The following EPHA3 variants were observed in gnomAD, a reference collection of about 807,000 sequenced individuals.
EPHA3 encodes EPH receptor A3, also known as ephrin type-A receptor 3.
A neutral mutation model predicts 107.1 loss-of-function variants in EPHA3; 42 were observed. The observed-to-expected ratio is 0.39, with a 90% CI of 0.31 to 0.51. EPHA3 has a LOEUF of 0.51. Among genes scored for constraint, EPHA3 ranks in the 20% least tolerant of loss-of-function variants. The pLI is 0.78. For missense variants in EPHA3, 1,183 were observed against 1,211.2 expected (o/e 0.98, Z 0.35); for synonymous variants, 461 against 424.8 (o/e 1.09, Z -1.05).
intron 5 of EPHA3, among the ~76,000 whole-genome samples, chr3:89,377,507 C>A (rs1226803057): frequency 6.6e-6 from 1 of 152,014 alleles, no homozygotes; most frequent in East Asian, 1.9e-4. Context: ...TAAGGTATAA[C>A]ATAGATTCAT....
chr3:89,187,097 C>A (rs1170286942), intron 2 of EPHA3, among the ~76,000 whole-genome samples: 2 of 151,606 alleles, frequency 1.3e-5, no homozygotes, highest in African/African-American at 4.8e-5. Flanking sequence ...TTTACTCTTT[C>A]AGAGTACTAC....
At chr3:89,199,067 C>T (rs1479535252) in intron 2 of EPHA3, among the ~76,000 whole-genome samples, 3 of 152,144 alleles carry the variant, frequency 2.0e-5, no homozygotes, top group African/African-American at 7.2e-5. Context: ...GTCCTACTCT[C>T]TAATACTTAA....
intron 3 of EPHA3, among the ~76,000 whole-genome samples, chr3:89,334,083 C>T (rs1238476184): frequency 6.6e-6 from 1 of 151,984 alleles, no homozygotes; most frequent in African/African-American, 2.4e-5. Context: ...CACAAACTTC[C>T]AAACATTCTT....
chr3:89,379,977 T>G (rs1708469078), intron 5 of EPHA3, among the ~76,000 whole-genome samples: 2 of 152,206 alleles, frequency 1.3e-5, no homozygotes, highest in South Asian at 4.1e-4. Context: ...GACCTCTCTT[T>G]CTGCTTCAAT....
chr3:89,262,229 A>C (rs1306959595), intron 3 of EPHA3, among the ~76,000 whole-genome samples: 1 of 152,168 alleles, frequency 6.6e-6, no homozygotes, highest in Non-Finnish European at 1.5e-5. Flanking sequence ...TCTCATGAGA[A>C]ACTGTATTAG....
intron 1 of EPHA3, among the ~76,000 whole-genome samples, chr3:89,112,133 A>G (rs1246798068): frequency 6.6e-6 from 1 of 152,072 alleles, no homozygotes; most frequent in African/African-American, 2.4e-5. Context: ...TCATGGTTGT[A>G]TTTTATATAA....
At chr3:89,147,145 T>G (rs1704577569) in intron 2 of EPHA3, among the ~76,000 whole-genome samples, 1 of 151,200 alleles carries the variant, frequency 6.6e-6, no homozygotes, top group African/African-American at 2.4e-5. Flanking sequence ...TGAGAACACA[T>G]GAACACAGGA....
chr3:89,447,123 A>T (rs1323406442), intron 13 of EPHA3, among the ~76,000 whole-genome samples: 1 of 152,118 alleles, frequency 6.6e-6, no homozygotes, highest in African/African-American at 2.4e-5. Context: ...TAAAAACATA[A>T]ACTTGATCTA....
At chr3:89,321,729 A>G (rs1707047324) in intron 3 of EPHA3, among the ~76,000 whole-genome samples, 1 of 152,148 alleles carries the variant, frequency 6.6e-6, no homozygotes, top group Non-Finnish European at 1.5e-5. Flanking sequence ...ATCCTAAAAT[A>G]TGAATTTAAT....
In EPHA3 at chr3:89,408,129, A is replaced by G; in HGVS notation, c.1760A>G (p.His587Arg). Reference protein sequence around the residue: ...DEKRLHFGNGHLKLPGLRTYV... With the variant: ...DEKRLHFGNGRLKLPGLRTYV... ...AAAAGACTTCATTTTGGCAATGGGCATTGTAAGTTTCTAAACTTGGCTTTT... is the reference window on the plus strand; with the variant it reads ...AAAAGACTTCATTTTGGCAATGGGCGTTGTAAGTTTCTAAACTTGGCTTTT... Residue 587 changes from histidine (H) to arginine (R), a missense_variant and splice_region_variant, in exon 9 of 17, where the codon CAT becomes CGT. Coordinates refer to ENST00000336596, the MANE Select transcript of EPHA3 (RefSeq NM_005233.6). The G allele has an allele frequency of 6.2e-7, 1 of 1,612,656 alleles. No individual in the cohort carries two copies. The highest frequency in any genetic ancestry group is 8.5e-7 in the Non-Finnish European group (1 of 1,178,946).
intron 2 of EPHA3, among the ~76,000 whole-genome samples, chr3:89,179,739 C>T (rs1375902184): frequency 1.3e-5 from 2 of 151,132 alleles, no homozygotes; most frequent in Admixed American, 6.6e-5. Context: ...TCGCTTTTTC[C>T]TATTAACACA....
chr3:89,366,417 GATAAT>G (rs1708185171), intron 5 of EPHA3, among the ~76,000 whole-genome samples: 1 of 150,664 alleles, frequency 6.6e-6, no homozygotes, highest in South Asian at 2.1e-4. Flanking sequence ...CGCATAATAA[GATAAT>G]ATACAGCATT....
intron 2 of EPHA3, among the ~76,000 whole-genome samples, chr3:89,133,014 G>T (rs917282564): frequency 1.3e-5 from 2 of 152,152 alleles, no homozygotes; most frequent in Non-Finnish European, 2.9e-5. Context: ...ATATTTCTAT[G>T]CATCTAAGAA....
intron 7 of EPHA3, among the ~76,000 whole-genome samples, chr3:89,404,440 G>T (rs1186151289): frequency 6.6e-6 from 1 of 152,130 alleles, no homozygotes; most frequent in Non-Finnish European, 1.5e-5. Flanking sequence ...TGACTCAAAA[G>T]AATGAACTCT....
intron 5 of EPHA3, among the ~76,000 whole-genome samples, chr3:89,391,427 T>TC (rs1208107846): frequency 1.4e-5 from 2 of 142,980 alleles, no homozygotes; most frequent in African/African-American, 5.3e-5. Flanking sequence ...TTTTCTTTTT[T>TC]TTTTTTTTTT....
At chr3:89,251,606 A>T (rs931869114) in intron 3 of EPHA3, among the ~76,000 whole-genome samples, 1 of 152,114 alleles carries the variant, frequency 6.6e-6, no homozygotes, top group Non-Finnish European at 1.5e-5. Context: ...AATCAATCTG[A>T]TTACTAAGCC....
At chr3:89,130,153 A>C (rs1704174902) in intron 2 of EPHA3, among the ~76,000 whole-genome samples, 1 of 152,172 alleles carries the variant, frequency 6.6e-6, no homozygotes. Context: ...TTTTACATTT[A>C]GTAGGGGAGA....
chr3:89,298,714 C>A (rs997766205), intron 3 of EPHA3, among the ~76,000 whole-genome samples: 7 of 151,862 alleles, frequency 4.6e-5, no homozygotes, highest in African/African-American at 1.7e-4. Context: ...GACATAAAAT[C>A]CTATAAAATA....
intron 3 of EPHA3, among the ~76,000 whole-genome samples, chr3:89,286,439 A>G (rs1267815668): frequency 6.6e-6 from 1 of 152,090 alleles, no homozygotes; most frequent in Non-Finnish European, 1.5e-5. Context: ...ACATTGGCAA[A>G]GGCGAAAGCA....
Sources: gnomAD v4.1 joint callset for allele counts (sites outside exome capture counted in the v4.1 genomes callset) on GRCh38, gnomAD v4.1.1 for gene constraint, MANE v1.5 for transcripts, NCBI Gene and HGNC (gene_info 2026-07-23, HGNC 2026-07-21) for gene names.